The following XKR6 variants were observed in gnomAD, a reference collection of about 807,000 sequenced individuals.
The protein encoded by XKR6 is XK-related protein 6.
Under a neutral mutation model 56.7 loss-of-function variants are expected in XKR6, and 22 were observed. The observed-to-expected ratio is 0.39, with a 90% CI of 0.28 to 0.55. The LOEUF is 0.55. Among genes scored for constraint, XKR6 ranks in the 20% least tolerant of loss-of-function variants. The pLI, the probability that XKR6 is intolerant of heterozygous loss-of-function variation, is 0.66. For synonymous variants in XKR6, 524 were observed against 387.8 expected, an observed-to-expected ratio of 1.35 and a Z score of -4.13; for missense variants, 852 against 889.0, an observed-to-expected ratio of 0.96 and a Z score of 0.53.
intron 2 of XKR6, among the ~76,000 whole-genome samples, chr8:10,918,342 GC>G (rs1800619959): frequency 6.6e-6 from 1 of 152,200 alleles, no homozygotes; most frequent in African/African-American, 2.4e-5. Flanking sequence ...TTTGCAAAAA[GC>G]CAAGTTCTGG....
At chr8:11,108,948 G>C (rs543596034) in intron 1 of XKR6, 1 of 152,378 alleles carries the variant, frequency 6.6e-6, no homozygotes, top group East Asian at 1.9e-4. Context: ...AAGAACCATT[G>C]TTTCGGGCTC....
chr8:10,912,282 TATATAC>T (rs1440575589), intron 2 of XKR6, among the ~76,000 whole-genome samples: 2 of 112,352 alleles, frequency 1.8e-5, no homozygotes, highest in Non-Finnish European at 3.6e-5. Context: ...AAATGGTGTG[TATATAC>T]ATATATAAAG....
intron 1 of XKR6, among the ~76,000 whole-genome samples, chr8:11,013,951 A>T (rs1332262270): frequency 1.3e-5 from 2 of 152,192 alleles, no homozygotes; most frequent in Non-Finnish European, 1.5e-5. Flanking sequence ...GACAGACCCA[A>T]ATCCATTCCC....
At chr8:11,119,285 G>C (rs527696561) in intron 1 of XKR6, among the ~76,000 whole-genome samples, 5 of 152,180 alleles carry the variant, frequency 3.3e-5, no homozygotes, top group African/African-American at 1.2e-4. Flanking sequence ...TGTATATTCT[G>C]TTGATTTGGG....
chr8:11,177,793 G>A (rs142390751), intron 1 of XKR6, among the ~76,000 whole-genome samples: 3 of 152,326 alleles, frequency 2.0e-5, no homozygotes, highest in East Asian at 3.9e-4. Flanking sequence ...CCCTGCTCAC[G>A]CATTGACTGC....
intron 1 of XKR6, among the ~76,000 whole-genome samples, chr8:11,097,763 C>T (rs765282566): frequency 2.9e-4 from 41 of 143,428 alleles, no homozygotes; most frequent in Non-Finnish European, 4.9e-4. Context: ...GCCAAGATCA[C>T]GCCACCGCAC....
intron 1 of XKR6, among the ~76,000 whole-genome samples, chr8:11,001,208 A>ATTT (rs1798231009): frequency 1.3e-5 from 2 of 152,146 alleles, no homozygotes; most frequent in Non-Finnish European, 2.9e-5. Context: ...TGAAGGAAGA[A>ATTT]CTCCCCTTCC....
At chr8:11,143,658 G>A (rs935340702) in intron 1 of XKR6, among the ~76,000 whole-genome samples, 3 of 152,206 alleles carry the variant, frequency 2.0e-5, no homozygotes, top group African/African-American at 7.2e-5. Context: ...AGGAAAATCA[G>A]AAGAGTGGTT....
intron 1 of XKR6, among the ~76,000 whole-genome samples, chr8:10,982,619 C>T (rs752453894): frequency 7.9e-5 from 12 of 152,084 alleles, no homozygotes; most frequent in Non-Finnish European, 1.2e-4. Context: ...GTGAGAAGTC[C>T]GGGAGATATC....
intron 1 of XKR6, among the ~76,000 whole-genome samples, chr8:11,196,162 A>G (rs1269706107): frequency 6.6e-6 from 1 of 152,138 alleles, no homozygotes; most frequent in Non-Finnish European, 1.5e-5. Flanking sequence ...CCATTCTTAA[A>G]CCACAAAATC....
At chr8:10,966,408 G>A (rs1321730961) in intron 1 of XKR6, among the ~76,000 whole-genome samples, 1 of 151,956 alleles carries the variant, frequency 6.6e-6, no homozygotes, top group Non-Finnish European at 1.5e-5. Context: ...GGTGGCTCAC[G>A]CCTGTAATCC....
At chr8:11,042,792 AC>A (rs143868208) in intron 1 of XKR6, among the ~76,000 whole-genome samples, 21,258 of 152,188 alleles carry the variant, frequency 0.14, 2,104 homozygotes, top group African/African-American at 0.29. Flanking sequence ...TGCTACCTGG[AC>A]TAACATTTGG....
At chr8:11,156,272 C>G (rs1801515286) in intron 1 of XKR6, among the ~76,000 whole-genome samples, 1 of 152,136 alleles carries the variant, frequency 6.6e-6, no homozygotes, top group African/African-American at 2.4e-5. Flanking sequence ...GCTTTTCCAA[C>G]TTTTGTTGAT....
intron 1 of XKR6, among the ~76,000 whole-genome samples, chr8:11,079,193 G>C (rs1051353799): frequency 6.6e-6 from 1 of 152,226 alleles, no homozygotes; most frequent in Admixed American, 6.5e-5. Flanking sequence ...ATACCAGGGG[G>C]CAGAGCTCTG....
chr8:11,068,152 C>A (rs995519293), intron 1 of XKR6, among the ~76,000 whole-genome samples: 2 of 152,230 alleles, frequency 1.3e-5, no homozygotes, highest in Non-Finnish European at 2.9e-5. Flanking sequence ...CTCTTTGTGG[C>A]CCTAGAGTTG....
At chr8:11,123,877 GCTCT>G (rs1563154234) in intron 1 of XKR6, 1 of 456,262 alleles carries the variant, frequency 2.2e-6, no homozygotes, top group Non-Finnish European at 4.4e-6. Context: ...CCTGCACTGT[GCTCT>G]CTCTTCTGGG....
intron 1 of XKR6, among the ~76,000 whole-genome samples, chr8:10,979,556 C>G (rs1231777226): frequency 2.0e-5 from 3 of 152,186 alleles, no homozygotes; most frequent in Non-Finnish European, 4.4e-5. Flanking sequence ...CCTGAAGCAG[C>G]CAAGACAGTT....
At chr8:11,162,107 G>A (rs1801842732) in intron 1 of XKR6, among the ~76,000 whole-genome samples, 2 of 152,160 alleles carry the variant, frequency 1.3e-5, no homozygotes, top group South Asian at 4.1e-4. Context: ...AAGATAGAAA[G>A]CTTTTTATTT....
chr8:11,109,002 T>C (rs1041893075), intron 1 of XKR6: 2 of 152,290 alleles, frequency 1.3e-5, no homozygotes, highest in Non-Finnish European at 2.9e-5. Context: ...CCTGAACTCA[T>C]AACGATGTAT....
Sources: gnomAD v4.1 joint callset for allele counts (sites outside exome capture counted in the v4.1 genomes callset) on GRCh38, gnomAD v4.1.1 for gene constraint, MANE v1.5 for transcripts, NCBI Gene and HGNC (gene_info 2026-07-23, HGNC 2026-07-21) for gene names.